ADGRL2: variants seen among roughly 807,000 people sequenced by gnomAD.
The protein encoded by ADGRL2 is adhesion G protein-coupled receptor L2.
Under a neutral mutation model 157.4 loss-of-function variants are expected in ADGRL2, and 44 were observed. The ratio of observed to expected loss-of-function variants is 0.28; its 90% CI spans 0.22 to 0.36. The LOEUF is 0.36. Ranked by LOEUF, ADGRL2 falls within the 10% of genes least tolerant of loss-of-function variation. ADGRL2 has a pLI of 1.00. For missense variants in ADGRL2, 1,510 were observed against 1,768.9 expected, an observed-to-expected ratio of 0.85 and a Z score of 2.63; for synonymous variants, 585 against 624.7, an observed-to-expected ratio of 0.94 and a Z score of 0.95.
At chr1:81,532,529 A>G (rs989300070) in intron 2 of ADGRL2, among the ~76,000 whole-genome samples, 8 of 150,886 alleles carry the variant, frequency 5.3e-5, no homozygotes, top group Non-Finnish European at 1.2e-4. Flanking sequence ...ATTCCAAGCA[A>G]TTTTTCAGGC....
intron 2 of ADGRL2, among the ~76,000 whole-genome samples, chr1:81,528,424 AT>A (rs1402905354): frequency 6.6e-6 from 1 of 151,824 alleles, no homozygotes; most frequent in Non-Finnish European, 1.5e-5. Context: ...AGGCGAGTGG[AT>A]TCAGGAGGTC....
chr1:81,974,762 T>C (rs1029638308), intron 17 of ADGRL2, among the ~76,000 whole-genome samples: 1 of 152,102 alleles, frequency 6.6e-6, no homozygotes, highest in Non-Finnish European at 1.5e-5. Flanking sequence ...ACTCCTATAA[T>C]CTGTGGTACC....
intron 2 of ADGRL2, among the ~76,000 whole-genome samples, chr1:81,541,811 A>G (rs1447711880): frequency 1.3e-5 from 2 of 149,942 alleles, no homozygotes; most frequent in African/African-American, 4.9e-5. Context: ...AAACAAAATT[A>G]GCCAGGCGTG....
intron 2 of ADGRL2, among the ~76,000 whole-genome samples, chr1:81,791,066 C>CAAAAAAAA (rs11411906): frequency 2.7e-5 from 1 of 37,472 alleles, no homozygotes; most frequent in Non-Finnish European, 4.3e-5. Flanking sequence ...GACCCTATCT[C>CAAAAAAAA]AAAAAAAAAA....
intron 1 of ADGRL2, among the ~76,000 whole-genome samples, chr1:81,373,149 T>C (rs2076189413): frequency 6.6e-6 from 1 of 152,172 alleles, no homozygotes; most frequent in African/African-American, 2.4e-5. Context: ...GGCAATTCAG[T>C]CTTACCTCTG....
intron 3 of ADGRL2, among the ~76,000 whole-genome samples, chr1:81,688,789 T>C (rs2148981982): frequency 6.6e-6 from 1 of 152,276 alleles, no homozygotes; most frequent in East Asian, 1.9e-4. Flanking sequence ...TTCCTTCTTA[T>C]TTGGGGCGGC....
At chr1:81,454,953 C>T (rs190925640) in intron 2 of ADGRL2, among the ~76,000 whole-genome samples, 30 of 152,260 alleles carry the variant, frequency 2.0e-4, no homozygotes, top group African/African-American at 6.5e-4. Context: ...AATGACAAAA[C>T]GACAAATTCA....
chr1:81,878,997 A>G (rs746239679), intron 2 of ADGRL2, among the ~76,000 whole-genome samples: 1 of 152,236 alleles, frequency 6.6e-6, no homozygotes, highest in Non-Finnish European at 1.5e-5. Context: ...CCTTGAATAT[A>G]TTCTTAAACA....
At chr1:81,392,524 G>C (rs1282880476) in intron 1 of ADGRL2, among the ~76,000 whole-genome samples, 1 of 152,066 alleles carries the variant, frequency 6.6e-6, no homozygotes, top group Non-Finnish European at 1.5e-5. Context: ...TATTAGAGTA[G>C]TATTAGTCTA....
At chr1:81,358,474 C>T (rs915032143) in intron 1 of ADGRL2, among the ~76,000 whole-genome samples, 1 of 152,112 alleles carries the variant, frequency 6.6e-6, no homozygotes, top group Non-Finnish European at 1.5e-5. Flanking sequence ...TCAGTCTGAG[C>T]CCCTGAATAA....
intron 3 of ADGRL2, among the ~76,000 whole-genome samples, chr1:81,612,554 A>C (rs1225454850): frequency 1.3e-5 from 2 of 152,184 alleles, no homozygotes; most frequent in African/African-American, 4.8e-5. Context: ...AATTTGGCAG[A>C]GCATACATTA....
chr1:81,937,507 T>G (rs2095327562), intron 4 of ADGRL2, among the ~76,000 whole-genome samples: 2 of 151,922 alleles, frequency 1.3e-5, no homozygotes, highest in South Asian at 4.1e-4. Context: ...GTTTTCCTTC[T>G]AATCTCAGAA....
intron 2 of ADGRL2, among the ~76,000 whole-genome samples, chr1:81,903,217 G>A (rs917776967): frequency 1.3e-5 from 2 of 152,104 alleles, no homozygotes; most frequent in African/African-American, 4.8e-5. Flanking sequence ...TGTACCTACA[G>A]TATAGCATTT....
chr1:81,632,306 T>C (rs1434006112), intron 3 of ADGRL2, among the ~76,000 whole-genome samples: 1 of 152,166 alleles, frequency 6.6e-6, no homozygotes, highest in African/African-American at 2.4e-5. Flanking sequence ...ACATTTCACA[T>C]GGGATGGCCT....
At chr1:81,481,522 G>C (rs548495524) in intron 2 of ADGRL2, among the ~76,000 whole-genome samples, 48 of 152,302 alleles carry the variant, frequency 3.2e-4, no homozygotes, top group African/African-American at 1.2e-3. Context: ...GGCAGGACCA[G>C]CTTCAGCTGT....
rs181090134 is a variant in ADGRL2 at position 81,351,555 on chromosome 1, A to G, written c.-302+45046A>G. Among the ~76,000 whole-genome samples, 5 of 152,196 alleles carry G rather than the reference A, an allele frequency of 3.3e-5. No homozygotes were observed. In the East Asian group the frequency reaches 7.7e-4, roughly 24 times the overall value. ...TTGAAGAAACCCTATTAAATGGACA[A>G]GTTATCTGGCAAATGCACAAAGAAA... On this transcript the variant is annotated intron_variant, in intron 1 of 24. Transcript: ENST00000370721.
At chr1:81,578,760 GTCTATAAACAGGCAATAA>G (rs1557477932) in intron 2 of ADGRL2, among the ~76,000 whole-genome samples, 4 of 152,090 alleles carry the variant, frequency 2.6e-5, no homozygotes, top group Non-Finnish European at 4.4e-5. Flanking sequence ...CAGCACCTGA[GTCTATAAACAGGCAATAA>G]TTGGTTAGCT....
chr1:81,338,800 C>T (rs1661841051), intron 1 of ADGRL2, among the ~76,000 whole-genome samples: 1 of 152,106 alleles, frequency 6.6e-6, no homozygotes, highest in Non-Finnish European at 1.5e-5. Context: ...GAAACTGAAC[C>T]CGGGCAGCTT....
chr1:81,599,800 T>A (rs1009765427), intron 3 of ADGRL2, among the ~76,000 whole-genome samples: 2 of 152,104 alleles, frequency 1.3e-5, no homozygotes, highest in Non-Finnish European at 2.9e-5. Flanking sequence ...TTAGGTGACA[T>A]CAGAGACAGG....
Sources: allele counts gnomAD v4.1 joint callset (sites outside exome capture counted in the v4.1 genomes callset), GRCh38; gene constraint gnomAD v4.1.1; transcripts MANE v1.5; gene names NCBI Gene and HGNC (gene_info 2026-07-23, HGNC 2026-07-21).